GSE1: variants seen among roughly 807,000 people sequenced by gnomAD.
The protein encoded by GSE1 is Gse1 coiled-coil protein, also known as genetic suppressor element 1.
A neutral mutation model predicts 112.6 loss-of-function variants in GSE1; 32 were observed. That is an observed-to-expected ratio of 0.28 (90% CI 0.21 to 0.38). The LOEUF (loss-of-function observed/expected upper bound fraction) is 0.38, where lower values mean the gene tolerates loss of function less well. Ranked by LOEUF, GSE1 falls within the 10% of genes least tolerant of loss-of-function variation. The pLI, the probability that GSE1 is intolerant of heterozygous loss-of-function variation, is 1.00. For synonymous variants in GSE1, 1,115 were observed against 735.6 expected (o/e 1.52, Z -8.35); for missense variants, 2,348 against 1,699.2 (o/e 1.38, Z -6.71).
intron 1 of GSE1, among the ~76,000 whole-genome samples, chr16:85,249,324 G>A (rs550673832): frequency 7.2e-4 from 110 of 152,354 alleles, no homozygotes; most frequent in South Asian, 4.3e-3. Flanking sequence ...GGGACCCCTC[G>A]CAGAAGGGGG....
chr16:85,560,840 TAAC>T (rs931942789), intron 1 of GSE1, among the ~76,000 whole-genome samples: 2 of 151,774 alleles, frequency 1.3e-5, no homozygotes, highest in African/African-American at 2.4e-5. Context: ...ATAATAATAA[TAAC>T]GAGGACTGGG....
intron 2 of GSE1, among the ~76,000 whole-genome samples, chr16:85,431,943 G>T (rs1448924529): frequency 6.6e-6 from 1 of 152,240 alleles, no homozygotes; most frequent in African/African-American, 2.4e-5. Context: ...ATGAGTGGCG[G>T]GGCTGTGGGA....
At chr16:85,478,343 A>G (rs1158617737) in intron 2 of GSE1, among the ~76,000 whole-genome samples, 3 of 152,042 alleles carry the variant, frequency 2.0e-5, no homozygotes, top group Admixed American at 6.5e-5. Context: ...CCTGGCCAAC[A>G]TGGTGAAACC....
intron 2 of GSE1, among the ~76,000 whole-genome samples, chr16:85,426,026 A>AATGG (rs775930864): frequency 1.4e-4 from 5 of 36,444 alleles, no homozygotes; most frequent in Non-Finnish European, 1.8e-4. Context: ...ATGAATGGAA[A>AATGG]ATGGATGGAT....
chr16:85,395,833 G>T (rs1405561612), intron 2 of GSE1, among the ~76,000 whole-genome samples: 3 of 141,398 alleles, frequency 2.1e-5, no homozygotes, highest in African/African-American at 7.6e-5. Context: ...CTGTTCCCAG[G>T]ATGGCCTGGA....
intron 2 of GSE1, among the ~76,000 whole-genome samples, chr16:85,512,169 C>T (rs1321127005): frequency 6.6e-6 from 1 of 152,168 alleles, no homozygotes; most frequent in East Asian, 1.9e-4. Flanking sequence ...ATTATTAAAC[C>T]CTGGCTGTGA....
intron 1 of GSE1, among the ~76,000 whole-genome samples, chr16:85,563,664 C>T (rs1196204869): frequency 1.3e-5 from 2 of 152,264 alleles, no homozygotes; most frequent in African/African-American, 4.8e-5. Flanking sequence ...CACAGTGAGA[C>T]AGGAAGCGCC....
intron 11 of GSE1, among the ~76,000 whole-genome samples, chr16:85,664,100 G>A (rs1165257503): frequency 1.3e-5 from 2 of 152,372 alleles, no homozygotes; most frequent in South Asian, 2.1e-4. Context: ...AGTTCAGTCT[G>A]GCCACACAGG....
At chr16:85,188,637 A>G (rs35156844) in intron 1 of GSE1, among the ~76,000 whole-genome samples, 10,143 of 152,020 alleles carry the variant, frequency 0.067, 550 homozygotes, top group East Asian at 0.23. Flanking sequence ...CGCCATCTCT[A>G]CAAAAAAATT....
At chr16:85,551,394 G>A (rs1025207243), upstream of GSE1, among the ~76,000 whole-genome samples, 1 of 152,180 alleles carries the variant, frequency 6.6e-6, no homozygotes, top group Non-Finnish European at 1.5e-5. Context: ...ACCCTCAGAG[G>A]CAGGGGTGCT....
At chr16:85,299,112 C>A (rs992509707) in intron 1 of GSE1, among the ~76,000 whole-genome samples, 1 of 152,210 alleles carries the variant, frequency 6.6e-6, no homozygotes, top group African/African-American at 2.4e-5. Context: ...GAACATGCAG[C>A]ATGGTGTTAG....
At chr16:85,343,115 C>G (rs1452798185) in intron 1 of GSE1, among the ~76,000 whole-genome samples, 1 of 152,050 alleles carries the variant, frequency 6.6e-6, no homozygotes, top group Non-Finnish European at 1.5e-5. Flanking sequence ...AACCCAAAAT[C>G]AGCAAGCAGT....
At chr16:85,304,254 G>C (rs563271383) in intron 1 of GSE1, among the ~76,000 whole-genome samples, 2 of 152,232 alleles carry the variant, frequency 1.3e-5, no homozygotes, top group Admixed American at 6.5e-5. Context: ...TCGATCACTC[G>C]GCTGCGTGGT....
chr16:85,329,141 A>G (rs1281371510), intron 1 of GSE1, among the ~76,000 whole-genome samples: 1 of 152,142 alleles, frequency 6.6e-6, no homozygotes, highest in Non-Finnish European at 1.5e-5. Flanking sequence ...CCCCCCAGAA[A>G]GAGCCACAGC....
At chr16:85,313,172 G>A (rs1038158333) in intron 1 of GSE1, among the ~76,000 whole-genome samples, 1 of 152,180 alleles carries the variant, frequency 6.6e-6, no homozygotes, top group African/African-American at 2.4e-5. Flanking sequence ...GGCCTGCTGG[G>A]GTCCCTTGTC....
At chr16:85,439,172 C>T (rs1211300994) in intron 2 of GSE1, among the ~76,000 whole-genome samples, 1 of 152,240 alleles carries the variant, frequency 6.6e-6, no homozygotes, top group East Asian at 1.9e-4. Flanking sequence ...TGCCCTGGCC[C>T]CTCACCCGGC....
intron 2 of GSE1, among the ~76,000 whole-genome samples, chr16:85,461,537 C>A (rs1351183121): frequency 6.6e-6 from 1 of 152,170 alleles, no homozygotes; most frequent in African/African-American, 2.4e-5. Flanking sequence ...GGTTTAAAAG[C>A]ACCCAGGTGG....
intron 2 of GSE1, among the ~76,000 whole-genome samples, chr16:85,384,398 C>T (rs1250901478): frequency 3.3e-5 from 5 of 152,220 alleles, no homozygotes; most frequent in African/African-American, 1.2e-4. Flanking sequence ...GGCTGTGTGA[C>T]CTCAGACCAT....
exon 1 of GSE1, chr16:85,171,000 C>T: frequency 1.0e-6 from 1 of 985,540 alleles, no homozygotes; most frequent in Non-Finnish European, 1.2e-6. Flanking sequence ...CCCCGGATGC[C>T]CGGGCGGTCC....
Sources: gnomAD v4.1 joint callset for allele counts (sites outside exome capture counted in the v4.1 genomes callset) on GRCh38, gnomAD v4.1.1 for gene constraint, MANE v1.5 for transcripts, NCBI Gene and HGNC (gene_info 2026-07-23, HGNC 2026-07-21) for gene names.